The following PRKCZ variants were observed in gnomAD, a reference collection of about 807,000 sequenced individuals.
PRKCZ encodes protein kinase C zeta.
PRKCZ carries 33 observed loss-of-function variants against 79.5 expected under a neutral mutation model. The observed-to-expected ratio is 0.41, with a 90% CI of 0.31 to 0.55. The LOEUF (loss-of-function observed/expected upper bound fraction) is 0.55. Ranked by LOEUF, PRKCZ falls within the 20% of genes least tolerant of loss-of-function variation. The pLI is 0.19. For missense variants in PRKCZ, 578 were observed against 813.5 expected (o/e 0.71, Z 3.52); for synonymous variants, 342 against 320.9 (o/e 1.07, Z -0.70).
At chr1:2,102,919 G>A (rs1040261202) in intron 4 of PRKCZ, among the ~76,000 whole-genome samples, 34 of 151,984 alleles carry the variant, frequency 2.2e-4, no homozygotes, top group African/African-American at 6.0e-4. Flanking sequence ...TTGCTCTGTC[G>A]CCCAGGCTGG....
At chr1:2,050,862 G>C in intron 1 of PRKCZ, 161 bp downstream of exon 1, 2 of 425,116 alleles carry the variant, frequency 4.7e-6, no homozygotes, top group Admixed American at 9.1e-5. Flanking sequence ...GCCCGTGAGC[G>C]TCACCCGCGG....
At chr1:2,175,695 C>T (rs2100419768) in intron 16 of PRKCZ, among the ~76,000 whole-genome samples, 1 of 152,200 alleles carries the variant, frequency 6.6e-6, no homozygotes, top group Non-Finnish European at 1.5e-5. Flanking sequence ...GCCAAGGCTC[C>T]TGTCTCCCAG....
chr1:2,148,982 CT>C, intron 8 of PRKCZ, 58 bp downstream of exon 8: 2 of 1,558,224 alleles, frequency 1.3e-6, no homozygotes, highest in Non-Finnish European at 8.8e-7. Context: ...GTCTGTGAGC[CT>C]GTCTCTGGGG....
rs545521751 is a variant in PRKCZ, at chr1:2,051,217, G to A, written c.71+516G>A. Among the ~76,000 whole-genome samples the A allele has an allele frequency of 3.3e-5, 5 of 152,084 alleles. 1 individual carries two copies. The highest frequency in any genetic ancestry group is 3.4e-3 in the Middle Eastern group (1 of 292). On this transcript the variant is annotated intron_variant, in intron 1 of 17. Transcript: ENST00000378567. ...GGCGGGGACAGGGGTTTCTGGAGGA[G>A]ACGGTGGGGCCGAGACTGACCCTGG...
chr1:2,051,404 C>T (rs963228912), intron 1 of PRKCZ, among the ~76,000 whole-genome samples: 6 of 152,190 alleles, frequency 3.9e-5, no homozygotes, highest in African/African-American at 1.4e-4. Flanking sequence ...ACAGGCACAG[C>T]GGAGGGGTCG....
rs780196080 is a variant in PRKCZ, at chr1:2,071,276, G to A, written c.334+11685G>A. 84 of 400,088 alleles carry A rather than the reference G, an allele frequency of 2.1e-4. 2 individuals carry two copies. The Admixed American group carries it at 2.4e-3, about 11-fold the overall frequency. 24.8% of individuals were successfully genotyped at this position (400,088 alleles called of 1,614,324 possible). A position where few individuals can be genotyped will look rare whatever the true frequency, so the allele number is the denominator to read the frequency against. On this transcript the variant is annotated intron_variant, in intron 4 of 17. Coordinates refer to ENST00000378567, the MANE Select transcript of PRKCZ (RefSeq NM_002744.6). ...AACATAGTAAGTGCTTAGCAAGGCC[G>A]TCTTGCCGTCTCTCCCACCCAGGGA...
intron 4 of PRKCZ, among the ~76,000 whole-genome samples, chr1:2,108,062 G>T (rs953265030): frequency 6.6e-6 from 1 of 152,374 alleles, no homozygotes; most frequent in East Asian, 1.9e-4. Context: ...GGCCAGTCGG[G>T]GTGGTTGGAT....
At chr1:2,113,224 T>C (rs1670100483) in intron 4 of PRKCZ, among the ~76,000 whole-genome samples, 1 of 152,218 alleles carries the variant, frequency 6.6e-6, no homozygotes, top group African/African-American at 2.4e-5. Flanking sequence ...TGTTTTTTAA[T>C]GTAAGGTTTT....
chr1:2,065,678 C>CAAAAAAAAA lies in PRKCZ; in HGVS notation c.334+6103_334+6111dup, dbSNP rs61017134. 5.3e-4 allele frequency among the ~76,000 whole-genome samples: 30 copies of CAAAAAAAAA among 56,116 alleles called. 2 individuals carry two copies. The East Asian group carries it at 9.1e-3, about 17-fold the overall frequency. 36.8% of individuals were successfully genotyped at this position (56,116 alleles called of 152,430 possible). A position where few individuals can be genotyped will look rare whatever the true frequency, so the allele number is the denominator to read the frequency against. On this transcript the variant is annotated intron_variant, in intron 4 of 17. Coordinates refer to ENST00000378567, the MANE Select transcript of PRKCZ (RefSeq NM_002744.6). ...TGGGCAACAGAGCCAGACTCTGTCT[C>CAAAAAAAAA]AAAAAAAAAAAAAAAAAAAAAAAAG...
At chr1:2,175,667 T>C (rs532277629) in intron 16 of PRKCZ, among the ~76,000 whole-genome samples, 102 of 151,870 alleles carry the variant, frequency 6.7e-4, no homozygotes, top group South Asian at 2.1e-3. Context: ...GTCTTTGACA[T>C]GGCCCCACTT....
chr1:2,113,026 G>A (rs1353501852), intron 4 of PRKCZ, among the ~76,000 whole-genome samples: 2 of 152,178 alleles, frequency 1.3e-5, no homozygotes, highest in African/African-American at 2.4e-5. Flanking sequence ...ACAGTCATCA[G>A]CTGAAGGAAA....
At chr1:2,063,733 G>GT (rs1304077220) in intron 4 of PRKCZ, among the ~76,000 whole-genome samples, 1 of 152,068 alleles carries the variant, frequency 6.6e-6, no homozygotes, top group African/African-American at 2.4e-5. Context: ...GTCGTTTTCT[G>GT]TTTTTTGACA....
intron 7 of PRKCZ, among the ~76,000 whole-genome samples, chr1:2,147,412 C>A (rs1325358029): frequency 6.6e-6 from 1 of 152,000 alleles, no homozygotes; most frequent in African/African-American, 2.4e-5. Flanking sequence ...ACCTCTCCTT[C>A]CATCTATCTG....
In PRKCZ at chr1:2,127,048, G is replaced by A. The variant is rs534298085; in HGVS notation, c.335-8214G>A. ...TGTTCGCCCGACTGGCGCCTCGGCT[G>A]TGCCTCTTCTGTCTCTCGAGCTCTT... On this transcript the variant is annotated intron_variant, in intron 4 of 17. Coordinates refer to ENST00000378567, the MANE Select transcript of PRKCZ (RefSeq NM_002744.6). The surrounding 1 kb of genome is among the most constrained non-coding windows in gnomAD (Gnocchi z 5.1). Among the ~76,000 whole-genome samples, 11 of 152,346 alleles carry A rather than the reference G, an allele frequency of 7.2e-5. No individual in the cohort carries two copies. Among genetic ancestry groups the A allele is most frequent in the African/African-American group, 2.6e-4 (11 of 41,582 alleles).
chr1:2,060,137 A>G (rs916630260), intron 4 of PRKCZ, among the ~76,000 whole-genome samples: 6 of 152,178 alleles, frequency 3.9e-5, no homozygotes, highest in South Asian at 4.1e-4. Flanking sequence ...CGCGCATCCC[A>G]TGGCTGTGCT....
Position 2,127,697 on chromosome 1 carries a change from G to A in PRKCZ, c.335-7565G>A, listed in dbSNP as rs1444763248. Among the ~76,000 whole-genome samples, 1 of 152,228 alleles carries A rather than the reference G, an allele frequency of 6.6e-6. No individual in the cohort carries two copies. Among genetic ancestry groups the A allele is most frequent in the East Asian group, 1.9e-4 (1 of 5,192 alleles). On this transcript the variant is annotated intron_variant, in intron 4 of 17. Transcript: ENST00000378567. This position sits in a 1 kb window ranked among gnomAD's most constrained non-coding sequence, Gnocchi z 5.1. Reference sequence around the variant, plus strand: ...CAAATAGGCGAACGGCGTCTCCCGCGGCTCCCGGTGGCTTTTTAGGACTCT... The same window carrying A: ...CAAATAGGCGAACGGCGTCTCCCGCAGCTCCCGGTGGCTTTTTAGGACTCT...
intron 3 of PRKCZ, among the ~76,000 whole-genome samples, chr1:2,057,658 G>C (rs541927259): frequency 6.6e-6 from 1 of 152,232 alleles, no homozygotes; most frequent in African/African-American, 2.4e-5. Flanking sequence ...TTCAGCCTAG[G>C]AGTTCAAGAC....
At position 2,059,530 on chromosome 1, in the gene PRKCZ, CTCTTGTCCAGT is replaced by C; in HGVS notation, c.284-9_285del. On this transcript the variant is annotated splice_acceptor_variant and splice_polypyrimidine_tract_variant and coding_sequence_variant and intron_variant, in exon 4 of 18. Transcript: ENST00000378567. LOFTEE classifies it high-confidence loss of function. The stretch of plus-strand genomic sequence containing the variant: ...GGGTCTTGACGCTGTCTCTTTCTCT[CTCTTGTCCAGT>C]TTTCCCGAGCACCCCTGAGCAGCCT... 3 of 1,614,164 alleles carry C rather than the reference CTCTTGTCCAGT, an allele frequency of 1.9e-6. No individual in the cohort carries two copies. The highest frequency in any genetic ancestry group is 2.5e-6 in the Non-Finnish European group (3 of 1,180,006).
intron 4 of PRKCZ, among the ~76,000 whole-genome samples, chr1:2,108,583 C>G (rs1467622443): frequency 6.6e-6 from 1 of 152,264 alleles, no homozygotes; most frequent in Non-Finnish European, 1.5e-5. Flanking sequence ...CAGCCTCCTG[C>G]TTGCACAGCT....
Sources: gnomAD v4.1 joint callset for allele counts (sites outside exome capture counted in the v4.1 genomes callset) on GRCh38, gnomAD v4.1.1 for gene constraint, Gnocchi (gnomAD v3.1) non-coding constraint, MANE v1.5 for transcripts, NCBI Gene and HGNC (gene_info 2026-07-23, HGNC 2026-07-21) for gene names.